Variants in PCDHA4 observed in about 807,000 individuals in gnomAD.
PCDHA4 encodes protocadherin alpha 4, also known as protocadherin alpha-4.
A neutral mutation model predicts 61.4 loss-of-function variants in PCDHA4; 49 were observed. The ratio of observed to expected loss-of-function variants is 0.80; its 90% CI spans 0.63 to 1.01. The LOEUF (loss-of-function observed/expected upper bound fraction) is 1.01. Ranked by LOEUF, PCDHA4 falls within the 50% of genes least tolerant of loss-of-function variation. PCDHA4 has a pLI of 0.00. For synonymous variants in PCDHA4, 590 were observed against 550.3 expected (o/e 1.07, Z -1.01); for missense variants, 1,254 against 1,235.8 (o/e 1.01, Z -0.22).
At chr5:140,949,626 G>A (rs2094403314) in intron 1 of PCDHA4, among the ~76,000 whole-genome samples, 1 of 151,546 alleles carries the variant, frequency 6.6e-6, no homozygotes, top group Non-Finnish European at 1.5e-5. Context: ...CTGTTTTCAT[G>A]GCATATTGCT....
intron 1 of PCDHA4, chr5:140,835,863 C>A (rs1214782595): frequency 1.2e-6 from 2 of 1,611,982 alleles, no homozygotes; most frequent in East Asian, 2.2e-5. Flanking sequence ...GTCCTACTCG[C>A]TGGTGGAGCT....
rs111528394 is a variant in PCDHA4 at position 140,995,338 on chromosome 5, C to T, written c.2533+12775C>T. Among the ~76,000 whole-genome samples the T allele has an allele frequency of 2.7e-4, 41 of 151,956 alleles. 1 individual carries two copies. Among genetic ancestry groups the T allele is most frequent in the Admixed American group, 6.6e-4 (10 of 15,254 alleles). On this transcript the variant is annotated intron_variant, in intron 3 of 3. Coordinates refer to ENST00000530339, the MANE Select transcript of PCDHA4 (RefSeq NM_018907.4). The stretch of plus-strand genomic sequence containing the variant: ...TGAACTAACAGGTGAGTAGTGTAGA[C>T]GGCATGGATAGGTCGGACAGAGGGA...
At chr5:140,865,235 C>A (rs982582356) in intron 1 of PCDHA4, 2 of 152,098 alleles carry the variant, frequency 1.3e-5, no homozygotes, top group African/African-American at 4.8e-5. Flanking sequence ...CCAGAGAACA[C>A]GTATTTATAG....
chr5:140,903,688 A>G (rs1392078626), intron 1 of PCDHA4, among the ~76,000 whole-genome samples: 13 of 152,242 alleles, frequency 8.5e-5, no homozygotes, highest in Admixed American at 7.9e-4. Flanking sequence ...TTTGGTAAAT[A>G]GTTTAAAATA....
rs782073984 is a variant in PCDHA4, at chr5:140,808,236, T to C, written c.1049T>C (p.Leu350Ser). 3 of 1,614,250 alleles carry C rather than the reference T, an allele frequency of 1.9e-6. No homozygotes were observed. The South Asian group carries it at 3.3e-5, about 18-fold the overall frequency. ...GACAACAACGATAATGTCCCAGATTTGGAATTCAAGTCTTTATCACTTCCA... is the reference window on the plus strand; with the variant it reads ...GACAACAACGATAATGTCCCAGATTCGGAATTCAAGTCTTTATCACTTCCA... Reference protein sequence around the residue: ...VEDNNDNVPDLEFKSLSLPIR... With the variant: ...VEDNNDNVPDSEFKSLSLPIR... The change falls in exon 1 of 4, where the codon TTG (leucine) becomes TCG (serine). Residue 350 changes from leucine (L) to serine (S), a missense_variant. Transcript: ENST00000530339.
At chr5:140,879,512 G>C (rs1378276808) in intron 1 of PCDHA4, among the ~76,000 whole-genome samples, 1 of 152,156 alleles carries the variant, frequency 6.6e-6, no homozygotes, top group Non-Finnish European at 1.5e-5. Flanking sequence ...AGAGATTATT[G>C]ATATAGATTT....
chr5:140,882,283 G>A (rs1554173377), intron 1 of PCDHA4: 2 of 1,612,834 alleles, frequency 1.2e-6, no homozygotes, highest in South Asian at 1.1e-5. Flanking sequence ...TGTCTTCCTG[G>A]CAAGGAGGCC....
intron 1 of PCDHA4, chr5:140,871,169 A>AG: frequency 6.2e-7 from 1 of 1,613,520 alleles, no homozygotes; most frequent in Non-Finnish European, 8.5e-7. Flanking sequence ...GCGAGCCCAG[A>AG]GGCTGCGCTG....
Position 140,849,712 on chromosome 5 carries a change from C to T in PCDHA4, c.2385+40140C>T, listed in dbSNP as rs2150446144. 1.9e-6 allele frequency: 3 copies of T among 1,598,618 alleles called. No individual in the cohort carries two copies. On this transcript the variant is annotated intron_variant, in intron 1 of 3. Transcript: ENST00000530339. ...GTGTCCACCTACAAGAATTACTACT[C>T]GTTGGTGCTGGACAGAGCTCTGGAC... is the stretch of plus-strand genomic sequence containing the variant.
chr5:140,877,457 C>T lies in PCDHA4; in HGVS notation c.2385+67885C>T, dbSNP rs73263833. On this transcript the variant is annotated intron_variant, in intron 1 of 3. Coordinates refer to ENST00000530339, the MANE Select transcript of PCDHA4 (RefSeq NM_018907.4). ...CACGGTGAGCCCGCGCTGACGTCCACGGCCACGGTGCTGGTGTCGCTGGTG... is the reference window on the plus strand; with the variant it reads ...CACGGTGAGCCCGCGCTGACGTCCATGGCCACGGTGCTGGTGTCGCTGGTG... 1.0e-3 allele frequency: 1,615 copies of T among 1,613,806 alleles called. 8 individuals carry two copies. The African/African-American group carries it at 0.018, about 18-fold the overall frequency.
chr5:140,883,640 C>G (rs143631680), intron 1 of PCDHA4: 2 of 1,613,958 alleles, frequency 1.2e-6, no homozygotes, highest in Non-Finnish European at 1.7e-6. Context: ...GTTCGCGCAG[C>G]CCGAGTACAC....
chr5:140,823,194 C>A (rs1767597632), intron 1 of PCDHA4: 1 of 1,613,896 alleles, frequency 6.2e-7, no homozygotes, highest in Non-Finnish European at 8.5e-7. Context: ...GCTGCCACAT[C>A]TTCACGGTGT....
chr5:140,839,588 C>T lies in PCDHA4; in HGVS notation c.2385+30016C>T, dbSNP rs145358613. 8.3e-3 allele frequency among the ~76,000 whole-genome samples: 1,255 copies of T among 152,068 alleles called. 26 individuals are homozygous for T. Among genetic ancestry groups the T allele is most frequent in the African/African-American group, 0.029 (1,202 of 41,420 alleles). On this transcript the variant is annotated intron_variant, in intron 1 of 3. Transcript: ENST00000530339. ...TATTTTTTGTAGAGATGGGGTCTTACCATGTTGCCCAGGCTGGTCTCAAAC... is the reference window on the plus strand; with the variant it reads ...TATTTTTTGTAGAGATGGGGTCTTATCATGTTGCCCAGGCTGGTCTCAAAC...
At position 140,808,126 on chromosome 5, in the gene PCDHA4, C is replaced by T; in HGVS notation, c.939C>T (p.Ser313=). 1.2e-6 allele frequency: 2 copies of T among 1,613,832 alleles called. No individual in the cohort carries two copies. The highest frequency in any genetic ancestry group is 1.7e-6 in the Non-Finnish European group (2 of 1,179,708). ...AGGGATATATTGACTTTGAAGAAAG[C>T]AAATCCTATGAAATTATTGTAGAGG... ...IVKGYIDFEE[S]KSYEIIVEGI... The change falls in exon 1 of 4, where the codon AGC becomes AGT. Residue 313 remains serine (S), a synonymous_variant. Transcript: ENST00000530339.
intron 1 of PCDHA4, chr5:140,871,239 C>G: frequency 6.2e-7 from 1 of 1,613,976 alleles, no homozygotes; most frequent in Non-Finnish European, 8.5e-7. Context: ...TCCTGGTACT[C>G]ACGCTGCTGC....
intron 1 of PCDHA4, chr5:140,850,847 G>A: frequency 6.3e-7 from 1 of 1,596,668 alleles, no homozygotes; most frequent in South Asian, 1.1e-5. Context: ...GATCTACAGA[G>A]CGAACGGGAG....
chr5:140,952,221 C>T (rs991982346), intron 1 of PCDHA4, among the ~76,000 whole-genome samples: 1 of 151,940 alleles, frequency 6.6e-6, no homozygotes, highest in Non-Finnish European at 1.5e-5. Flanking sequence ...TTTCCAGGCA[C>T]AGTGTGCAAG....
chr5:140,872,593 A>T (rs1214441484), intron 1 of PCDHA4, among the ~76,000 whole-genome samples: 1 of 152,160 alleles, frequency 6.6e-6, no homozygotes, highest in African/African-American at 2.4e-5. Flanking sequence ...TGAGACCCCC[A>T]TCTGAAAAAA....
intron 1 of PCDHA4, among the ~76,000 whole-genome samples, chr5:140,924,976 C>T (rs1376073492): frequency 6.6e-6 from 1 of 151,048 alleles, no homozygotes; most frequent in Non-Finnish European, 1.5e-5. Context: ...TGCAGTGGCT[C>T]ATGTCTGTAA....
Sources: allele counts gnomAD v4.1 joint callset (sites outside exome capture counted in the v4.1 genomes callset), GRCh38; gene constraint gnomAD v4.1.1; transcripts MANE v1.5; gene names NCBI Gene and HGNC (gene_info 2026-07-23, HGNC 2026-07-21).